FBXL13: variants seen among roughly 807,000 people sequenced by gnomAD.
FBXL13 encodes F-box and leucine rich repeat protein 13, also known as F-box and leucine-rich repeat protein 13.
In FBXL13, 67 loss-of-function variants were observed where a neutral mutation model predicts 83.6. The observed-to-expected ratio is 0.80, with a 90% CI of 0.66 to 0.98. The LOEUF (loss-of-function observed/expected upper bound fraction) is 0.98. Ranked by LOEUF, FBXL13 falls within the 50% of genes least tolerant of loss-of-function variation. The pLI, the probability that FBXL13 is intolerant of heterozygous loss-of-function variation, is 0.00. For synonymous variants in FBXL13, 272 were observed against 299.5 expected, an observed-to-expected ratio of 0.91 and a Z score of 0.95; for missense variants, 822 against 866.5, an observed-to-expected ratio of 0.95 and a Z score of 0.64.
At chr7:102,884,545 T>G (rs771218477) in intron 11 of FBXL13, among the ~76,000 whole-genome samples, 4 of 152,116 alleles carry the variant, frequency 2.6e-5, no homozygotes, top group Non-Finnish European at 4.4e-5. Context: ...GATGCAGCAG[T>G]GCATGCCTGT....
At chr7:103,067,187 TTTAA>T (rs1798484243) in intron 1 of FBXL13, among the ~76,000 whole-genome samples, 1 of 152,048 alleles carries the variant, frequency 6.6e-6, no homozygotes, top group Non-Finnish European at 1.5e-5. Context: ...CACAATTCAG[TTTAA>T]TTGTGTGTTC....
downstream of FBXL13, among the ~76,000 whole-genome samples, chr7:102,812,023 T>A (rs1210583046): frequency 6.6e-6 from 1 of 152,254 alleles, no homozygotes; most frequent in Non-Finnish European, 1.5e-5. Flanking sequence ...AAGTTTTTAA[T>A]CCTTATTTGA....
Position 103,063,539 on chromosome 7 carries a change from A to G in FBXL13, c.-104-7792T>C, listed in dbSNP as rs1346955758. Among the ~76,000 whole-genome samples, 4 of 151,992 alleles carry G rather than the reference A, an allele frequency of 2.6e-5. No homozygotes were observed. In the East Asian group the frequency reaches 7.7e-4, roughly 29 times the overall value. On this transcript the variant is annotated intron_variant, in intron 1 of 19. Coordinates refer to ENST00000313221, the Ensembl canonical transcript of FBXL13. Reference sequence around the variant, plus strand: ...GATCTGCCTGAGGACACAGTTTGCTATTTTCTTTTTCTACTTTTCTCTTTC... The same window carrying G: ...GATCTGCCTGAGGACACAGTTTGCTGTTTTCTTTTTCTACTTTTCTCTTTC...
intron 17 of FBXL13, chr7:102,834,823 TATC>T (rs1274173717): frequency 1.3e-5 from 2 of 151,922 alleles, no homozygotes. Flanking sequence ...CCATAAAAAG[TATC>T]ATAAGTATGT....
chr7:102,905,494 T>C (rs1449247058), intron 11 of FBXL13, among the ~76,000 whole-genome samples: 1 of 152,210 alleles, frequency 6.6e-6, no homozygotes, highest in Non-Finnish European at 1.5e-5. Context: ...TTTCAGTCCA[T>C]GTGTGTCTTT....
intron 2 of FBXL13, among the ~76,000 whole-genome samples, chr7:103,048,115 C>A (rs1350232547): frequency 6.6e-6 from 1 of 152,128 alleles, no homozygotes; most frequent in Non-Finnish European, 1.5e-5. Context: ...ATTCTGTTTA[C>A]CTCTCTTTTG....
chr7:102,976,158 T>A, intron 6 of FBXL13: 1 of 766,426 alleles, frequency 1.3e-6, no homozygotes, highest in South Asian at 1.3e-5. Flanking sequence ...TGAAGACTGA[T>A]AGTGCCTTGG....
chr7:102,979,900 T>C (rs1827973138), intron 6 of FBXL13, among the ~76,000 whole-genome samples: 1 of 152,134 alleles, frequency 6.6e-6, no homozygotes, highest in African/African-American at 2.4e-5. Flanking sequence ...ATAACAATGA[T>C]AACAGAAATT....
At chr7:102,850,055 C>T (rs1035375119) in intron 17 of FBXL13, among the ~76,000 whole-genome samples, 1 of 151,560 alleles carries the variant, frequency 6.6e-6, no homozygotes, top group Non-Finnish European at 1.5e-5. Flanking sequence ...TTGAGTAGAA[C>T]AACTAATCTT....
chr7:102,878,263 T>G, intron 15 of FBXL13, 68 bp downstream of exon 16: 1 of 1,338,240 alleles, frequency 7.5e-7, no homozygotes, highest in Non-Finnish European at 9.9e-7. Context: ...TGCTTTTAGG[T>G]GTCTCATGTC....
chr7:102,963,708 C>A, intron 7 of FBXL13, 43 bp from the exon 9 acceptor site: 1 of 1,554,490 alleles, frequency 6.4e-7, no homozygotes. Context: ...GAGAAAGTCC[C>A]CAAAAACAAT....
intron 11 of FBXL13, among the ~76,000 whole-genome samples, chr7:102,899,547 A>G (rs538004528): frequency 3.3e-5 from 5 of 152,294 alleles, no homozygotes; most frequent in South Asian, 2.1e-4. Flanking sequence ...CACAGAATCT[A>G]TATTTCCCAA....
intron 6 of FBXL13, among the ~76,000 whole-genome samples, chr7:103,015,978 A>G (rs530992994): frequency 1.3e-5 from 2 of 152,106 alleles, no homozygotes. Context: ...CTACAACAAG[A>G]TTTACAAAAC....
intron 18 of FBXL13, among the ~76,000 whole-genome samples, chr7:102,826,771 A>G (rs1441515478): frequency 1.0e-5 from 1 of 95,432 alleles, no homozygotes; most frequent in Non-Finnish European, 2.1e-5. Context: ...ATATATATAT[A>G]TGTATATATA....
At chr7:103,029,401 C>A in exon 3 of FBXL13, 1 of 1,528,318 alleles carries the variant, frequency 6.5e-7, no homozygotes, top group Non-Finnish European at 8.8e-7. Flanking sequence ...AGGCTTTTAT[C>A]ATCAATTCCG....
At chr7:103,058,995 C>A (rs979747715) in intron 1 of FBXL13, among the ~76,000 whole-genome samples, 11 of 152,164 alleles carry the variant, frequency 7.2e-5, no homozygotes, top group African/African-American at 2.7e-4. Flanking sequence ...TGTGGTGGTT[C>A]ATGCCTATAA....
intron 10 of FBXL13, among the ~76,000 whole-genome samples, chr7:102,922,106 C>G (rs1817152138): frequency 6.6e-6 from 1 of 151,834 alleles, no homozygotes; most frequent in African/African-American, 2.4e-5. Context: ...AGGAGACTTG[C>G]TTGAGCCCGC....
chr7:102,942,414 C>T (rs560875724), intron 8 of FBXL13: 8 of 1,333,662 alleles, frequency 6.0e-6, no homozygotes, highest in Middle Eastern at 1.9e-4. Context: ...AAATGCCAGA[C>T]ATTGTTGTGG....
At chr7:102,854,355 A>G (rs57350619) in intron 17 of FBXL13, among the ~76,000 whole-genome samples, 29,643 of 148,964 alleles carry the variant, frequency 0.2, 3,194 homozygotes, top group East Asian at 0.44. Flanking sequence ...GGAACATCAC[A>G]TTCTGGGGAC....
Sources: allele counts gnomAD v4.1 joint callset (sites outside exome capture counted in the v4.1 genomes callset), GRCh38; gene constraint gnomAD v4.1.1; transcripts MANE v1.5; gene names NCBI Gene and HGNC (gene_info 2026-07-23, HGNC 2026-07-21).